GNAQ: variants seen among roughly 807,000 people sequenced by gnomAD.
The protein encoded by GNAQ is G protein subunit alpha q.
GNAQ carries 8 observed loss-of-function variants against 43.9 expected under a neutral mutation model. That is an observed-to-expected ratio of 0.18 (90% confidence interval 0.11 to 0.33). The LOEUF is 0.33. Among genes scored for constraint, GNAQ ranks in the 10% least tolerant of loss-of-function variants. The pLI is 1.00. For missense variants in GNAQ, 158 were observed against 450.8 expected (o/e 0.35, Z 5.88); for synonymous variants, 155 against 170.7 (o/e 0.91, Z 0.71).
intron 1 of GNAQ, among the ~76,000 whole-genome samples, chr9:77,975,247 C>T (rs577951208): frequency 6.6e-6 from 1 of 152,328 alleles, no homozygotes; most frequent in East Asian, 1.9e-4. Flanking sequence ...TGGACAGTCA[C>T]ATTTAAATCA....
intron 1 of GNAQ, among the ~76,000 whole-genome samples, chr9:77,948,402 C>T (rs1187468608): frequency 6.6e-6 from 1 of 152,170 alleles, no homozygotes; most frequent in Non-Finnish European, 1.5e-5. Flanking sequence ...CCAGAGATGG[C>T]CTTTTACCCT....
At position 77,739,374 on chromosome 9, in the gene GNAQ, T is replaced by A. The variant is rs549430667; in HGVS notation, c.736-10707A>T. On this transcript the variant is annotated intron_variant, in intron 5 of 6. Transcript: ENST00000286548. ...GTCTTTTTGTCCATGAAAATCAGTC[T>A]GCTCAGGTTTTTTTGCTCTTAATGT... is the stretch of plus-strand genomic sequence containing the variant. 6.6e-5 allele frequency among the ~76,000 whole-genome samples: 10 copies of A among 152,340 alleles called. No individual in the cohort carries two copies. In the South Asian group the frequency reaches 2.1e-3, roughly 32 times the overall value.
chr9:78,024,335 T>A (rs924504446), intron 1 of GNAQ, among the ~76,000 whole-genome samples: 3 of 152,156 alleles, frequency 2.0e-5, no homozygotes, highest in African/African-American at 7.2e-5. Context: ...GACATATGGA[T>A]GATGCCTATT....
intron 4 of GNAQ, 63 bp from the exon 5 acceptor site, chr9:77,794,655 T>C (rs2118445152): frequency 2.1e-6 from 2 of 966,478 alleles, no homozygotes; most frequent in Admixed American, 2.2e-5. Context: ...TCAACATAAA[T>C]ATAGCACTAC....
chr9:77,792,035 A>T (rs1826582861), intron 5 of GNAQ, among the ~76,000 whole-genome samples: 1 of 150,178 alleles, frequency 6.7e-6, no homozygotes, highest in Non-Finnish European at 1.5e-5. Flanking sequence ...GGGGAAAAAA[A>T]GGGGTAATGA....
intron 1 of GNAQ, among the ~76,000 whole-genome samples, chr9:77,942,013 T>C (rs1217331228): frequency 6.6e-6 from 1 of 152,040 alleles, no homozygotes; most frequent in Non-Finnish European, 1.5e-5. Context: ...TGATTATCTC[T>C]GGGTGGTAGG....
chr9:77,819,703 T>C (rs1457418397), intron 2 of GNAQ, among the ~76,000 whole-genome samples: 1 of 151,680 alleles, frequency 6.6e-6, no homozygotes, highest in Admixed American at 6.6e-5. Flanking sequence ...CACATCTTCC[T>C]ACTTTTTTTC....
intron 2 of GNAQ, among the ~76,000 whole-genome samples, chr9:77,901,983 A>G (rs1367988421): frequency 6.6e-6 from 1 of 152,106 alleles, no homozygotes. Flanking sequence ...CACCTTCATG[A>G]CTGAATCACC....
intron 5 of GNAQ, among the ~76,000 whole-genome samples, chr9:77,769,250 A>G (rs1282880523): frequency 6.6e-6 from 1 of 152,082 alleles, no homozygotes; most frequent in Non-Finnish European, 1.5e-5. Context: ...AAACATAAAA[A>G]TATTAGCCAG....
chr9:77,998,645 C>T (rs1823606168), intron 1 of GNAQ, among the ~76,000 whole-genome samples: 1 of 152,050 alleles, frequency 6.6e-6, no homozygotes, highest in Non-Finnish European at 1.5e-5. Context: ...TATCTATGAA[C>T]AAAAAGTAAA....
chr9:77,726,226 A>G (rs1337459078), intron 6 of GNAQ, among the ~76,000 whole-genome samples: 4 of 152,214 alleles, frequency 2.6e-5, no homozygotes, highest in Non-Finnish European at 5.9e-5. Context: ...AATTAAAAGG[A>G]GTGAAAGAGA....
At position 77,841,067 on chromosome 9, in the gene GNAQ, A is replaced by G. The variant is rs74784349; in HGVS notation, c.322-25297T>C. On this transcript the variant is annotated intron_variant, in intron 2 of 6. Coordinates refer to ENST00000286548, the MANE Select transcript of GNAQ (RefSeq NM_002072.5). Reference sequence around the variant, plus strand: ...GTTACACGTGAAGCCCAGATATCACACCTCATGTATTCATGTTAAAAAAAC... The same window carrying G: ...GTTACACGTGAAGCCCAGATATCACGCCTCATGTATTCATGTTAAAAAAAC... 4.7e-3 allele frequency among the ~76,000 whole-genome samples: 717 copies of G among 152,170 alleles called. 5 individuals are homozygous for G. The highest frequency in any genetic ancestry group is 0.016 in the African/African-American group (664 of 41,434).
In GNAQ at chr9:77,886,615, C is replaced by T. The variant is rs181990705; in HGVS notation, c.321+35546G>A. Among the ~76,000 whole-genome samples, 10 of 152,174 alleles carry T rather than the reference C, an allele frequency of 6.6e-5. No individual in the cohort carries two copies. The East Asian group carries it at 1.2e-3, about 18-fold the overall frequency. On this transcript the variant is annotated intron_variant, in intron 2 of 6. Coordinates refer to ENST00000286548, the MANE Select transcript of GNAQ (RefSeq NM_002072.5). ...GACAAATTTCTATCACTTGACAATA[C>T]AGTATTTACAAGACAAATGAAAGAG...
At chr9:77,885,016 A>G (rs1301331429) in intron 2 of GNAQ, among the ~76,000 whole-genome samples, 1 of 152,186 alleles carries the variant, frequency 6.6e-6, no homozygotes, top group African/African-American at 2.4e-5. Context: ...CTAAAGACTA[A>G]ATAAGACTAC....
At chr9:77,963,056 C>T (rs778215975) in intron 1 of GNAQ, among the ~76,000 whole-genome samples, 21 of 151,976 alleles carry the variant, frequency 1.4e-4, no homozygotes, top group African/African-American at 4.6e-4. Flanking sequence ...GTTTGAAAAA[C>T]GCCACTATCA....
intron 1 of GNAQ, among the ~76,000 whole-genome samples, chr9:77,985,607 CAG>C (rs543590471): frequency 3.3e-5 from 5 of 152,128 alleles, no homozygotes; most frequent in African/African-American, 1.2e-4. Flanking sequence ...TTTTTTGAGA[CAG>C]AGTCTCGCTC....
chr9:77,810,256 AT>A (rs1826899786), intron 3 of GNAQ, among the ~76,000 whole-genome samples: 1 of 130,478 alleles, frequency 7.7e-6, no homozygotes. Flanking sequence ...CTATCTATCT[AT>A]CTATCTATCT....
intron 5 of GNAQ, among the ~76,000 whole-genome samples, chr9:77,731,060 C>A (rs1205041434): frequency 1.3e-5 from 2 of 152,136 alleles, no homozygotes; most frequent in African/African-American, 2.4e-5. Context: ...ATCAACCCAG[C>A]AAGTCTCTAT....
intron 2 of GNAQ, among the ~76,000 whole-genome samples, chr9:77,826,224 G>C (rs1475324815): frequency 6.6e-6 from 1 of 152,058 alleles, no homozygotes; most frequent in Non-Finnish European, 1.5e-5. Context: ...GCAAAGAATA[G>C]AACCTGGCCA....
Sources: gnomAD v4.1 joint callset for allele counts (sites outside exome capture counted in the v4.1 genomes callset) on GRCh38, gnomAD v4.1.1 for gene constraint, MANE v1.5 for transcripts, NCBI Gene and HGNC (gene_info 2026-07-23, HGNC 2026-07-21) for gene names.